MAPK8IP3: variants seen among roughly 807,000 people sequenced by gnomAD.
MAPK8IP3 encodes C-Jun-amino-terminal kinase-interacting protein 3.
MAPK8IP3 carries 49 observed loss-of-function variants against 157.8 expected under a neutral mutation model. The ratio of observed to expected loss-of-function variants is 0.31; its 90% CI spans 0.25 to 0.39. MAPK8IP3 has a LOEUF of 0.39. Ranked by LOEUF, MAPK8IP3 falls within the 10% of genes least tolerant of loss-of-function variation. MAPK8IP3 has a pLI of 1.00. For missense variants in MAPK8IP3, 1,478 were observed against 1,889.4 expected (o/e 0.78, Z 4.04); for synonymous variants, 897 against 777.7 (o/e 1.15, Z -2.55).
chr16:1,721,219 A>C (rs560106099), intron 1 of MAPK8IP3, among the ~76,000 whole-genome samples: 1 of 142,208 alleles, frequency 7.0e-6, no homozygotes, highest in African/African-American at 2.6e-5. Context: ...TGTAATCCCA[A>C]CTACTCGGGA....
chr16:1,722,618 G>A (rs1008645930), intron 1 of MAPK8IP3, among the ~76,000 whole-genome samples: 3 of 151,942 alleles, frequency 2.0e-5, no homozygotes, highest in Admixed American at 6.6e-5. Flanking sequence ...TAATCCCAGC[G>A]CTTTGGGAGG....
At chr16:1,763,590 C>G (rs2042076359) in intron 16 of MAPK8IP3, 67 bp from the exon 17 acceptor site, 1 of 1,419,274 alleles carries the variant, frequency 7.0e-7, no homozygotes, top group South Asian at 1.5e-5. Context: ...TCCCCCAGGA[C>G]AAGCCTGGGG....
chr16:1,711,811 A>C (rs943295019), intron 1 of MAPK8IP3, among the ~76,000 whole-genome samples: 2 of 151,838 alleles, frequency 1.3e-5, no homozygotes, highest in African/African-American at 4.8e-5. Context: ...ATGGTGATGC[A>C]CACCTGTACT....
chr16:1,727,763 C>T (rs2038987788), intron 2 of MAPK8IP3, among the ~76,000 whole-genome samples: 1 of 152,194 alleles, frequency 6.6e-6, no homozygotes, highest in African/African-American at 2.4e-5. Flanking sequence ...GTGCAGCTTC[C>T]CTGGGTGCCT....
rs144774828 is a variant in MAPK8IP3, at chr16:1,745,396, T to G, written c.748-1633T>G. ...TGGGTAGACAGGTTCTTTGAGAACG[T>G]CAGCACAGACTTCTTGCATGAGCGG... On this transcript the variant is annotated intron_variant, in intron 5 of 31. Transcript: ENST00000610761. 923 of 153,778 alleles carry G rather than the reference T, an allele frequency of 6.0e-3. 19 individuals are homozygous for G. The South Asian group carries it at 0.077, about 13-fold the overall frequency. The allele number at this position is 153,778 out of a possible 1,614,324, so 9.5% of individuals were successfully genotyped here. A position where few individuals can be genotyped will look rare whatever the true frequency, so the allele number is the denominator to read the frequency against.
At chr16:1,717,067 AT>A (rs141596828) in intron 1 of MAPK8IP3, among the ~76,000 whole-genome samples, 5,982 of 151,632 alleles carry the variant, frequency 0.039, 143 homozygotes, top group Non-Finnish European at 0.065. Flanking sequence ...TCAAAAAAAA[AT>A]AAAATAAAAA....
At chr16:1,754,450 T>C (rs2041476286) in intron 8 of MAPK8IP3, among the ~76,000 whole-genome samples, 2 of 152,060 alleles carry the variant, frequency 1.3e-5, no homozygotes. Flanking sequence ...CAGGAGAGAT[T>C]CCACCGATGT....
chr16:1,768,414 G>A lies in MAPK8IP3; in HGVS notation c.3742+36G>A, dbSNP rs376935356. 19 of 1,598,184 alleles carry A rather than the reference G, an allele frequency of 1.2e-5. No homozygotes were observed. The African/African-American group carries it at 2.1e-4, about 18-fold the overall frequency. On this transcript the variant is annotated intron_variant, in intron 30 of 31. Transcript: ENST00000610761. The stretch of plus-strand genomic sequence containing the variant: ...GCCCCTCCTGCCATCCACATCCCCT[G>A]CATGCCAGTGGCCGCCGCCTCCCCC...
chr16:1,721,334 C>T (rs1281132987), intron 1 of MAPK8IP3, among the ~76,000 whole-genome samples: 3 of 151,848 alleles, frequency 2.0e-5, no homozygotes, highest in Non-Finnish European at 4.4e-5. Flanking sequence ...AAATCCTTTG[C>T]TCATGCCTGT....
intron 1 of MAPK8IP3, among the ~76,000 whole-genome samples, chr16:1,711,847 G>C (rs1485460451): frequency 6.6e-6 from 1 of 151,622 alleles, no homozygotes; most frequent in Non-Finnish European, 1.5e-5. Context: ...GGCTGAAGCA[G>C]GAGAATCGCT....
At chr16:1,725,185 A>G (rs2038792305) in intron 2 of MAPK8IP3, among the ~76,000 whole-genome samples, 1 of 149,702 alleles carries the variant, frequency 6.7e-6, no homozygotes, top group Admixed American at 6.7e-5. Flanking sequence ...TATTATTATT[A>G]TAAGAACAGT....
Position 1,748,586 on chromosome 16 carries a change from C to G in MAPK8IP3, c.1098-16C>G. On this transcript the variant is annotated splice_polypyrimidine_tract_variant and intron_variant, in intron 7 of 31. Coordinates refer to ENST00000610761, the MANE Select transcript of MAPK8IP3 (RefSeq NM_001318852.2). ...CACTGACTCTGCTCTCTCTCCCGAC[C>G]TGTGGATCCCAACAGCCCAACCCAG... The G allele has an allele frequency of 4.4e-6, 7 of 1,601,894 alleles. No homozygotes were observed. Among genetic ancestry groups the G allele is most frequent in the Non-Finnish European group, 6.0e-6 (7 of 1,169,072 alleles).
chr16:1,761,627 GCGGC>G (rs2041953602), intron 13 of MAPK8IP3, among the ~76,000 whole-genome samples: 1 of 143,914 alleles, frequency 6.9e-6, no homozygotes, highest in African/African-American at 2.7e-5. Flanking sequence ...CACAGGCGGG[GCGGC>G]CACCATTCAC....
At chr16:1,761,942 A>G (rs1446945015) in intron 13 of MAPK8IP3, among the ~76,000 whole-genome samples, 1 of 151,968 alleles carries the variant, frequency 6.6e-6, no homozygotes, top group Non-Finnish European at 1.5e-5. Context: ...ATATCCCACA[A>G]TTCACATGCA....
chr16:1,763,882 TA>T (rs2042100119), intron 17 of MAPK8IP3, 99 bp downstream of exon 17: 1 of 457,176 alleles, frequency 2.2e-6, no homozygotes, highest in Non-Finnish European at 3.1e-6. Context: ...GGGGCAGTGC[TA>T]GGGGGTGGGA....
chr16:1,759,106 C>G, intron 10 of MAPK8IP3, 111 bp downstream of exon 10: 2 of 1,453,616 alleles, frequency 1.4e-6, no homozygotes, highest in Non-Finnish European at 9.6e-7. Flanking sequence ...TTGGGGCCGC[C>G]GGGGTCAGGG....
Position 1,724,417 on chromosome 16 carries a change from C to T in MAPK8IP3, c.319-140C>T. 1 of 1,177,182 alleles carries T rather than the reference C, an allele frequency of 8.5e-7. No homozygotes were observed. The highest frequency in any genetic ancestry group is 1.2e-6 in the Non-Finnish European group (1 of 844,532). The allele number at this position is 1,177,182 out of a possible 1,614,324, so 72.9% of individuals were successfully genotyped here. On this transcript the variant is annotated intron_variant, in intron 1 of 31. Transcript: ENST00000610761. This position sits in a 1 kb window ranked among gnomAD's most constrained non-coding sequence, Gnocchi z 4.1. ...AGCCACGTGGCGGGAAGCCCCCATT[C>T]CGGCCTGGCCATGGGCCAGCTTGTG...
chr16:1,744,684 T>C (rs1463911388), intron 5 of MAPK8IP3: 1 of 985,492 alleles, frequency 1.0e-6, no homozygotes, highest in Non-Finnish European at 1.2e-6. Context: ...GAGCCCTTGC[T>C]TGACGCTCTC....
chr16:1,768,216 A>C lies in MAPK8IP3; in HGVS notation c.3580A>C (p.Thr1194Pro). 6.2e-7 allele frequency: 1 copy of C among 1,611,950 alleles called. No homozygotes were observed. Among genetic ancestry groups the C allele is most frequent in the South Asian group, 1.1e-5 (1 of 91,050 alleles). Reference protein sequence around the residue: ...LGLRANKTSPTSGEGARPGGI... With the variant: ...LGLRANKTSPPSGEGARPGGI... Reference sequence around the variant, plus strand: ...CCCTGCAGCCAATAAGACATCCCCCACCTCTGGGGAGGGCGCCCGTCCCGG... The same window carrying C: ...CCCTGCAGCCAATAAGACATCCCCCCCCTCTGGGGAGGGCGCCCGTCCCGG... Residue 1194 changes from threonine (T) to proline (P), a missense_variant, in exon 30 of 32, where the codon ACC becomes CCC. Thr to Pro is a conservative substitution (Grantham distance 38). This residue lies in a region of MAPK8IP3 where 83 missense variants were observed against 85.3 expected (regional missense o/e 0.97). Transcript: ENST00000610761.
Sources: allele counts gnomAD v4.1 joint callset (sites outside exome capture counted in the v4.1 genomes callset), GRCh38; gene constraint gnomAD v4.1.1; regional missense constraint gnomAD v4.1.1; non-coding constraint Gnocchi (gnomAD v3.1); transcripts MANE v1.5; gene names NCBI Gene and HGNC (gene_info 2026-07-23, HGNC 2026-07-21).